CUBN: variants seen among roughly 807,000 people sequenced by gnomAD.
CUBN encodes the protein cubilin.
A neutral mutation model predicts 405.3 loss-of-function variants in CUBN; 282 were observed. The observed-to-expected ratio is 0.70, with a 90% CI of 0.63 to 0.77. The LOEUF is 0.77. Ranked by LOEUF, CUBN falls within the 30% of genes least tolerant of loss-of-function variation. The probability of loss-of-function intolerance (pLI) is 0.00; values close to 1 mark genes in which losing one functional copy is unlikely to be tolerated. For synonymous variants in CUBN, 1,684 were observed against 1,617.0 expected (o/e 1.04, Z -0.99); for missense variants, 4,514 against 4,475.2 (o/e 1.01, Z -0.25).
chr10:16,945,336 C>T (rs1289213466), intron 36 of CUBN, among the ~76,000 whole-genome samples: 2 of 152,196 alleles, frequency 1.3e-5, no homozygotes, highest in Non-Finnish European at 2.9e-5. Context: ...AGGAGAGTAG[C>T]ATGTGCCAAC....
intron 27 of CUBN, among the ~76,000 whole-genome samples, chr10:17,040,212 A>G (rs56124999): frequency 0.085 from 13,006 of 152,174 alleles, 753 homozygotes; most frequent in Non-Finnish European, 0.14. Flanking sequence ...GGGAAAAAAA[A>G]TGTCCTGTTA....
intron 57 of CUBN, 126 bp from the exon 58 acceptor site, chr10:16,874,629 G>C: frequency 8.7e-7 from 1 of 1,153,070 alleles, no homozygotes; most frequent in Non-Finnish European, 1.3e-6. Context: ...TTTTCTTAAA[G>C]TGACTTATAT....
At chr10:17,003,202 A>G (rs1833935726) in intron 28 of CUBN, among the ~76,000 whole-genome samples, 1 of 152,218 alleles carries the variant, frequency 6.6e-6, no homozygotes, top group Non-Finnish European at 1.5e-5. Flanking sequence ...TCTGACATCA[A>G]ATTCTTGAGG....
chr10:17,084,746 T>G (rs188579358), intron 16 of CUBN, among the ~76,000 whole-genome samples: 1 of 152,356 alleles, frequency 6.6e-6, no homozygotes, highest in East Asian at 1.9e-4. Flanking sequence ...AATGCTCTGC[T>G]TCATTTCAAT....
chr10:16,961,222 C>A (rs1294969753), intron 31 of CUBN, among the ~76,000 whole-genome samples: 1 of 152,090 alleles, frequency 6.6e-6, no homozygotes, highest in Non-Finnish European at 1.5e-5. Context: ...CAGGTGTGCA[C>A]CACCACACTT....
Position 17,105,522 on chromosome 10 carries a change from G to T in CUBN, c.1165C>A (p.Pro389Thr), listed in dbSNP as rs1801224. 0.65 allele frequency: 1,047,034 copies of T among 1,606,728 alleles called. 346,564 individuals carry two copies. The highest frequency in any genetic ancestry group is 0.69 in the Non-Finnish European group (804,009 of 1,173,542). ...TTACTGAGCTGCACACATCCATTTG[G>T]CCCATAACCATTTCCAGTATAACCC... ...LPGYTGNGYG[P>T]NGCVQLSNIC... The change falls in exon 11 of 67, where the codon CCA becomes ACA. Residue 389 changes from proline (P) to threonine (T), a missense_variant. By Grantham distance (38) the Pro-to-Thr change is conservative (BLOSUM62 -1). Coordinates refer to ENST00000377833, the MANE Select transcript of CUBN (RefSeq NM_001081.4).
intron 13 of CUBN, among the ~76,000 whole-genome samples, chr10:17,102,078 T>C (rs1298915576): frequency 6.6e-6 from 1 of 152,118 alleles, no homozygotes; most frequent in Non-Finnish European, 1.5e-5. Flanking sequence ...AACTAGTGGC[T>C]TGCAGTCAGT....
chr10:16,977,028 G>A (rs1452516513), intron 31 of CUBN, among the ~76,000 whole-genome samples: 1 of 152,080 alleles, frequency 6.6e-6, no homozygotes, highest in East Asian at 1.9e-4. Flanking sequence ...AAGTGTGCCA[G>A]GTAACTTTAC....
chr10:17,104,510 C>G lies in CUBN; in HGVS notation c.1326G>C (p.Leu442Phe). The G allele has an allele frequency of 6.2e-7, 1 of 1,613,974 alleles. No individual in the cohort carries two copies. Among genetic ancestry groups the G allele is most frequent in the Admixed American group, 1.7e-5 (1 of 60,000 alleles). The change falls in exon 12 of 67, where the codon TTG becomes TTC. Residue 442 changes from leucine (L) to phenylalanine (F), a missense_variant. Around this residue, in one of 5 missense-constraint regions of CUBN, gnomAD observed 1,448 missense variants for 1,388.0 expected, o/e 1.04. Coordinates refer to ENST00000377833, the MANE Select transcript of CUBN (RefSeq NM_001081.4). Reference sequence around the variant, plus strand: ...CGCCATCAACACAAGTTCCTCCATTCAAACAGGGGTTGCTCAAACACTCAT... The same window carrying G: ...CGCCATCAACACAAGTTCCTCCATTGAAACAGGGGTTGCTCAAACACTCAT... ...NINECLSNPCLNGGTCVDGVD... is the reference protein window; with the variant it reads ...NINECLSNPCFNGGTCVDGVD...
chr10:17,012,537 G>A (rs1834213780), intron 28 of CUBN, among the ~76,000 whole-genome samples: 1 of 152,196 alleles, frequency 6.6e-6, no homozygotes, highest in African/African-American at 2.4e-5. Context: ...GTTATTTCTT[G>A]CAAACTGTCT....
intron 41 of CUBN, among the ~76,000 whole-genome samples, chr10:16,927,030 T>A (rs149742651): frequency 3.0e-4 from 45 of 152,118 alleles, no homozygotes; most frequent in African/African-American, 9.6e-4. Context: ...ACTCACAGGT[T>A]AAATTTGAAA....
chr10:17,087,172 T>C (rs1208813433), intron 15 of CUBN, among the ~76,000 whole-genome samples: 2 of 152,220 alleles, frequency 1.3e-5, no homozygotes, highest in Non-Finnish European at 2.9e-5. Context: ...AAATGCGTAT[T>C]GTCTTTTTCA....
At chr10:17,115,815 A>G (rs971655550) in intron 6 of CUBN, among the ~76,000 whole-genome samples, 2 of 152,238 alleles carry the variant, frequency 1.3e-5, no homozygotes, top group African/African-American at 2.4e-5. Context: ...GTGAATCACA[A>G]CTTATTATCT....
intron 27 of CUBN, among the ~76,000 whole-genome samples, chr10:17,031,818 C>T (rs1164816625): frequency 1.3e-5 from 2 of 152,226 alleles, no homozygotes; most frequent in Non-Finnish European, 2.9e-5. Flanking sequence ...TCATCCTTGG[C>T]ACCTGTTTGG....
chr10:16,982,796 A>ATTT (rs1833312580), intron 30 of CUBN, 143 bp from the exon 31 acceptor site: 2 of 757,586 alleles, frequency 2.6e-6, no homozygotes, highest in Admixed American at 2.0e-5. Context: ...TGATATCCAC[A>ATTT]TTAAGCCATT....
intron 10 of CUBN, among the ~76,000 whole-genome samples, chr10:17,107,363 T>G (rs1350591970): frequency 6.6e-6 from 1 of 152,198 alleles, no homozygotes; most frequent in East Asian, 1.9e-4. Flanking sequence ...AATGTGGCAG[T>G]TAACTACATT....
Position 17,104,491 on chromosome 10 carries a change from C to A in CUBN, c.1345G>T (p.Asp449Tyr). The part of the protein sequence containing the change: ...NPCLNGGTCV[D>Y]GVDSFSCECT... ...TCACAACTGAAAGAATCAACGCCAT[C>A]AACACAAGTTCCTCCATTCAAACAG... Residue 449 changes from aspartate to tyrosine, a missense_variant, in exon 12 of 67, where the codon GAT becomes TAT. Transcript: ENST00000377833. The A allele has an allele frequency of 3.7e-6, 6 of 1,614,014 alleles. No individual in the cohort carries two copies. Among genetic ancestry groups the A allele is most frequent in the Non-Finnish European group, 5.1e-6 (6 of 1,179,988 alleles).
intron 28 of CUBN, among the ~76,000 whole-genome samples, chr10:17,011,367 G>C (rs1339054051): frequency 6.6e-6 from 1 of 152,112 alleles, no homozygotes; most frequent in Non-Finnish European, 1.5e-5. Context: ...GCTGACTTTA[G>C]GAGTGAAGCT....
chr10:17,109,631 A>G lies in CUBN; in HGVS notation c.1111+9T>C, dbSNP rs776408225. On this transcript the variant is annotated intron_variant, in intron 10 of 66. Transcript: ENST00000377833. The stretch of plus-strand genomic sequence containing the variant: ...ATACCCAAAGCCAAAGAGAGAGATG[A>G]GTCATTACCTAGAGTTGAGGAGCAT... The G allele has an allele frequency of 6.2e-6, 10 of 1,607,710 alleles. No individual in the cohort carries two copies. The highest frequency in any genetic ancestry group is 1.3e-5 in the African/African-American group (1 of 74,776).
Sources: gnomAD v4.1 joint callset for allele counts (sites outside exome capture counted in the v4.1 genomes callset) on GRCh38, gnomAD v4.1.1 for gene constraint, gnomAD v4.1.1 regional missense constraint, MANE v1.5 for transcripts, NCBI Gene and HGNC (gene_info 2026-07-23, HGNC 2026-07-21) for gene names.